SPECC1L: variants seen among roughly 807,000 people sequenced by gnomAD.
SPECC1L encodes sperm antigen with calponin homology and coiled-coil domains 1 like.
Under a neutral mutation model 116.8 loss-of-function variants are expected in SPECC1L, and 40 were observed. The observed-to-expected ratio is 0.34, with a 90% CI of 0.27 to 0.45. The LOEUF (loss-of-function observed/expected upper bound fraction) is 0.45, where lower values mean the gene tolerates loss of function less well. SPECC1L is among the 20% of genes least tolerant of loss of function. The pLI is 1.00. For missense variants in SPECC1L, 1,110 were observed against 1,373.6 expected, an observed-to-expected ratio of 0.81 and a Z score of 3.03; for synonymous variants, 504 against 500.6, an observed-to-expected ratio of 1.01 and a Z score of -0.09.
chr22:24,289,225 CA>C (rs1406242421), intron 2 of SPECC1L, among the ~76,000 whole-genome samples: 7 of 152,152 alleles, frequency 4.6e-5, no homozygotes, highest in African/African-American at 1.7e-4. Context: ...AGAGGAGACG[CA>C]AAATTTTTTG....
intron 14 of SPECC1L, among the ~76,000 whole-genome samples, chr22:24,376,268 T>A (rs1392196111): frequency 6.6e-6 from 1 of 152,194 alleles, no homozygotes; most frequent in Non-Finnish European, 1.5e-5. Flanking sequence ...CAAGTGGTCC[T>A]CCCACTTCCA....
chr22:24,410,340 T>A (rs1458543147), intron 14 of SPECC1L, among the ~76,000 whole-genome samples: 1 of 151,836 alleles, frequency 6.6e-6, no homozygotes, highest in Non-Finnish European at 1.5e-5. Flanking sequence ...ATTGCAGAGG[T>A]TTTTGATGGA....
chr22:24,406,070 A>G (rs1389169433), intron 14 of SPECC1L, among the ~76,000 whole-genome samples: 2 of 152,132 alleles, frequency 1.3e-5, no homozygotes, highest in Admixed American at 1.3e-4. Flanking sequence ...CTCAATTGCC[A>G]AGAACATCCA....
chr22:24,413,809 G>A (rs1000899479), intron 16 of SPECC1L, among the ~76,000 whole-genome samples: 7 of 152,128 alleles, frequency 4.6e-5, no homozygotes, highest in Non-Finnish European at 7.3e-5. Flanking sequence ...CACCAAGGGC[G>A]CCCTCCTGAT....
intron 2 of SPECC1L, among the ~76,000 whole-genome samples, chr22:24,291,713 A>G (rs1464563185): frequency 2.6e-5 from 4 of 152,150 alleles, no homozygotes; most frequent in Admixed American, 1.3e-4. Flanking sequence ...TCATTATTTC[A>G]TTGAATCCTC....
At chr22:24,411,435 T>C (rs1390842407) in intron 14 of SPECC1L, among the ~76,000 whole-genome samples, 153 bp from the exon 15 acceptor site, 1 of 152,174 alleles carries the variant, frequency 6.6e-6, no homozygotes, top group Non-Finnish European at 1.5e-5. Context: ...GAGTCATAGA[T>C]ACCAGGTAGC....
rs1389127332 is a variant in SPECC1L, at chr22:24,369,451, T to C, written c.3087+131T>C. On this transcript the variant is annotated intron_variant, in intron 14 of 16. Coordinates refer to ENST00000314328, the MANE Select transcript of SPECC1L (RefSeq NM_015330.6). Reference sequence around the variant, plus strand: ...GCATGGTGGATCACACCTATAATCCTAACACATTGGGAGGCTGAGGCAGAT... The same window carrying C: ...GCATGGTGGATCACACCTATAATCCCAACACATTGGGAGGCTGAGGCAGAT... The C allele has an allele frequency of 8.1e-6, 6 of 738,780 alleles. No homozygotes were observed. The East Asian group carries it at 1.6e-4, about 20-fold the overall frequency. 45.8% of individuals were successfully genotyped at this position (738,780 alleles called of 1,614,324 possible).
At chr22:24,329,972 A>G (rs1345993114) in intron 7 of SPECC1L, among the ~76,000 whole-genome samples, 3 of 152,228 alleles carry the variant, frequency 2.0e-5, no homozygotes, top group Non-Finnish European at 2.9e-5. Context: ...GAAGAAGGGA[A>G]GCTTGACATT....
intron 14 of SPECC1L, among the ~76,000 whole-genome samples, chr22:24,386,019 CT>C (rs2042154313): frequency 6.6e-6 from 1 of 151,940 alleles, no homozygotes; most frequent in Non-Finnish European, 1.5e-5. Context: ...AATTAAAGTC[CT>C]TCAGAGTAAG....
At chr22:24,411,794 G>A in intron 15 of SPECC1L, 90 bp downstream of exon 15, 1 of 1,079,512 alleles carries the variant, frequency 9.3e-7, no homozygotes, top group Non-Finnish European at 1.4e-6. Context: ...CAGGTCACAT[G>A]CCACAGCGCT....
At chr22:24,293,816 C>T (rs1316338658) in intron 2 of SPECC1L, among the ~76,000 whole-genome samples, 4 of 120,336 alleles carry the variant, frequency 3.3e-5, no homozygotes, top group African/African-American at 1.3e-4. Flanking sequence ...CCATGGTGGT[C>T]TTCAGATACT....
intron 10 of SPECC1L, among the ~76,000 whole-genome samples, chr22:24,344,522 A>G (rs2041249006): frequency 2.0e-5 from 3 of 151,910 alleles, no homozygotes; most frequent in Admixed American, 6.6e-5. Context: ...GAGCAAGGTA[A>G]GGATACCCAC....
chr22:24,274,796 G>T (rs1046631926), intron 1 of SPECC1L, among the ~76,000 whole-genome samples: 3 of 152,116 alleles, frequency 2.0e-5, no homozygotes, highest in African/African-American at 7.2e-5. Context: ...TCCTTAGCTT[G>T]GTATCCAGAA....
chr22:24,282,205 C>G (rs2048957254), intron 2 of SPECC1L, among the ~76,000 whole-genome samples: 1 of 152,220 alleles, frequency 6.6e-6, no homozygotes, highest in African/African-American at 2.4e-5. Context: ...AAGCACTGAT[C>G]TCAAGAGCAG....
In SPECC1L at chr22:24,408,009, T is replaced by A. The variant is rs556485346; in HGVS notation, c.3088-3579T>A. Among the ~76,000 whole-genome samples, 8 of 152,342 alleles carry A rather than the reference T, an allele frequency of 5.3e-5. No homozygotes were observed. The East Asian group carries it at 1.5e-3, about 29-fold the overall frequency. ...GATCCCAGAGACCAGCTGTGTGGCC[T>A]GGGTGAGTGTCTTGGCCTCTCGGAG... is the stretch of plus-strand genomic sequence containing the variant. On this transcript the variant is annotated intron_variant, in intron 14 of 16. Coordinates refer to ENST00000314328, the MANE Select transcript of SPECC1L (RefSeq NM_015330.6).
At chr22:24,317,147 C>T (rs2040595778) in intron 4 of SPECC1L, among the ~76,000 whole-genome samples, 2 of 102,602 alleles carry the variant, frequency 1.9e-5, no homozygotes, top group South Asian at 3.3e-4. Flanking sequence ...GACCCCCCTA[C>T]CTCCCTCCCG....
At chr22:24,287,779 G>A (rs2049070013) in intron 2 of SPECC1L, among the ~76,000 whole-genome samples, 1 of 152,172 alleles carries the variant, frequency 6.6e-6, no homozygotes, top group South Asian at 2.1e-4. Context: ...AACTGAATGA[G>A]TGTGGAATCC....
At chr22:24,403,016 A>C (rs928495797) in intron 14 of SPECC1L, among the ~76,000 whole-genome samples, 3 of 152,180 alleles carry the variant, frequency 2.0e-5, no homozygotes, top group African/African-American at 7.2e-5. Context: ...CAGTGAGTGG[A>C]AACCACCCAG....
intron 14 of SPECC1L, among the ~76,000 whole-genome samples, chr22:24,390,872 C>CTTTTT (rs1016008966): frequency 0.017 from 980 of 57,184 alleles, 1 homozygote; most frequent in Middle Eastern, 0.028. Flanking sequence ...TTTTTCTTTT[C>CTTTTT]TTTTTTTTTT....
Sources: allele counts gnomAD v4.1 joint callset (sites outside exome capture counted in the v4.1 genomes callset), GRCh38; gene constraint gnomAD v4.1.1; transcripts MANE v1.5; gene names NCBI Gene and HGNC (gene_info 2026-07-23, HGNC 2026-07-21).